GUCY1A2: variants seen among roughly 807,000 people sequenced by gnomAD.
The protein encoded by GUCY1A2 is guanylate cyclase soluble subunit alpha-2.
GUCY1A2 carries 27 observed loss-of-function variants against 63.5 expected under a neutral mutation model. The ratio of observed to expected loss-of-function variants is 0.43; its 90% CI spans 0.31 to 0.59. The LOEUF is 0.59. Ranked by LOEUF, GUCY1A2 falls within the 20% of genes least tolerant of loss-of-function variation. The probability of loss-of-function intolerance (pLI) is 0.11; values close to 1 mark genes in which losing one functional copy is unlikely to be tolerated. For synonymous variants in GUCY1A2, 364 were observed against 343.5 expected (o/e 1.06, Z -0.66); for missense variants, 768 against 913.3 (o/e 0.84, Z 2.05).
At chr11:106,830,018 A>G (rs1859028867) in intron 4 of GUCY1A2, among the ~76,000 whole-genome samples, 1 of 152,240 alleles carries the variant, frequency 6.6e-6, no homozygotes, top group African/African-American at 2.4e-5. Flanking sequence ...AGCTACGACC[A>G]TATGACCAGT....
rs145762590 is a variant in GUCY1A2 at position 106,780,228 on chromosome 11, T to G, written c.1693-3646A>C. ...TTTAGTTTCCAAATATTAGAAACAA[T>G]AGGACCAAAGAGGTAGGGAAGACAC... On this transcript the variant is annotated intron_variant, in intron 5 of 7. Transcript: ENST00000526355. Among the ~76,000 whole-genome samples the G allele has an allele frequency of 3.8e-3, 574 of 151,840 alleles. 4 individuals carry two copies. The highest frequency in any genetic ancestry group is 0.013 in the African/African-American group (553 of 41,366).
intron 4 of GUCY1A2, chr11:106,826,868 C>T: frequency 6.2e-7 from 1 of 1,605,718 alleles, no homozygotes; most frequent in Non-Finnish European, 8.5e-7. Flanking sequence ...ATATGATCAT[C>T]CACTTTCAGG....
intron 4 of GUCY1A2, among the ~76,000 whole-genome samples, chr11:106,903,148 A>G (rs1036553628): frequency 3.9e-5 from 6 of 152,306 alleles, no homozygotes; most frequent in Non-Finnish European, 8.8e-5. Context: ...AGATGCCACC[A>G]AAGTCCCAAC....
chr11:106,893,484 T>C (rs911458917), intron 4 of GUCY1A2, among the ~76,000 whole-genome samples: 1 of 152,146 alleles, frequency 6.6e-6, no homozygotes, highest in Non-Finnish European at 1.5e-5. Flanking sequence ...ATACCACCTA[T>C]ACTGAAATAT....
At chr11:106,724,093 G>A (rs1863363398) in intron 6 of GUCY1A2, among the ~76,000 whole-genome samples, 1 of 152,202 alleles carries the variant, frequency 6.6e-6, no homozygotes, top group Admixed American at 6.5e-5. Flanking sequence ...CTTGGGTCAA[G>A]TGAGTGTATC....
At chr11:106,891,503 AT>A (rs890722408) in intron 4 of GUCY1A2, among the ~76,000 whole-genome samples, 13 of 152,106 alleles carry the variant, frequency 8.5e-5, no homozygotes, top group African/African-American at 2.2e-4. Flanking sequence ...TCTGTTAAAA[AT>A]GTCTTGCTTT....
Position 106,678,659 on chromosome 11 carries a change from C to A in GUCY1A2, c.*8890G>T, listed in dbSNP as rs1862384685. The A allele has an allele frequency of 9.5e-6, 2 of 209,492 alleles. No individual in the cohort carries two copies. The highest frequency in any genetic ancestry group is 1.4e-4 in the East Asian group (2 of 13,942). 13.0% of individuals were successfully genotyped at this position (209,492 alleles called of 1,614,324 possible). ...TGTAACAATATTCATATTTGTTGTTCAAATGATTTGAACATAAATTGGTTT... is the reference window on the plus strand; with the variant it reads ...TGTAACAATATTCATATTTGTTGTTAAAATGATTTGAACATAAATTGGTTT... On this transcript the variant is annotated 3_prime_UTR_variant, in exon 8 of 8. Coordinates refer to ENST00000526355, the MANE Select transcript of GUCY1A2 (RefSeq NM_000855.3).
intron 4 of GUCY1A2, among the ~76,000 whole-genome samples, chr11:106,844,395 C>A (rs376769148): frequency 1.1e-4 from 17 of 151,792 alleles, no homozygotes; most frequent in African/African-American, 4.1e-4. Context: ...CATTTATCAC[C>A]AGACAAATTC....
intron 4 of GUCY1A2, among the ~76,000 whole-genome samples, chr11:106,856,978 T>C (rs577941808): frequency 6.6e-6 from 1 of 152,236 alleles, no homozygotes; most frequent in African/African-American, 2.4e-5. Context: ...ATAACTGGTA[T>C]GTTCCCTTAA....
intron 4 of GUCY1A2, among the ~76,000 whole-genome samples, chr11:106,815,516 A>G (rs1007944298): frequency 6.6e-6 from 1 of 151,830 alleles, no homozygotes; most frequent in Non-Finnish European, 1.5e-5. Flanking sequence ...TATAATAATA[A>G]TAATAAAAAA....
At chr11:106,847,897 G>A (rs921265967) in intron 4 of GUCY1A2, among the ~76,000 whole-genome samples, 6 of 151,698 alleles carry the variant, frequency 4.0e-5, no homozygotes, top group Admixed American at 2.6e-4. Flanking sequence ...TAAATGGGGA[G>A]AGCAAGAATA....
chr11:107,017,927 G>T lies in GUCY1A2; in HGVS notation c.129C>A (p.Pro43=). 7.6e-7 allele frequency: 1 copy of T among 1,320,314 alleles called. No individual in the cohort carries two copies. The highest frequency in any genetic ancestry group is 9.7e-7 in the Non-Finnish European group (1 of 1,029,676). 81.8% of individuals were successfully genotyped at this position (1,320,314 alleles called of 1,614,324 possible). Reference sequence around the variant, plus strand: ...CGGCCGGGCTGGGCTCCAGCGGCCCGGGCGGGCTCCGGCTGCCATTCCAGC... The same window carrying T: ...CGGCCGGGCTGGGCTCCAGCGGCCCTGGCGGGCTCCGGCTGCCATTCCAGC... ...RLCWNGSRSP[P]GPLEPSPAAA... Residue 43 remains proline (P), a synonymous_variant, in exon 1 of 8, where the codon CCC becomes CCA. Transcript: ENST00000526355.
At chr11:106,791,865 G>A (rs186057140) in intron 5 of GUCY1A2, among the ~76,000 whole-genome samples, 3 of 152,030 alleles carry the variant, frequency 2.0e-5, no homozygotes, top group Admixed American at 1.3e-4. Flanking sequence ...ACTCATTTAC[G>A]TTTCATACCA....
At chr11:106,989,763 T>C (rs1380771032) in intron 1 of GUCY1A2, among the ~76,000 whole-genome samples, 1 of 152,106 alleles carries the variant, frequency 6.6e-6, no homozygotes, top group African/African-American at 2.4e-5. Flanking sequence ...ATATTTCCAA[T>C]GAAACATTAA....
intron 4 of GUCY1A2, among the ~76,000 whole-genome samples, chr11:106,889,090 ACTGGTTC>A (rs1284341444): frequency 1.3e-5 from 2 of 152,124 alleles, no homozygotes; most frequent in Non-Finnish European, 2.9e-5. Flanking sequence ...ATAAATAAAA[ACTGGTTC>A]CTTTAAATGA....
chr11:106,753,352 G>A (rs780017472), intron 6 of GUCY1A2, among the ~76,000 whole-genome samples: 5 of 152,182 alleles, frequency 3.3e-5, no homozygotes, highest in African/African-American at 4.8e-5. Context: ...CTTTTGCTGT[G>A]TAGAAGCTCT....
chr11:106,900,784 C>T (rs1375538515), intron 4 of GUCY1A2, among the ~76,000 whole-genome samples: 1 of 152,022 alleles, frequency 6.6e-6, no homozygotes, highest in African/African-American at 2.4e-5. Context: ...TGTGCAATAC[C>T]ATTATGTCTA....
chr11:106,912,677 A>C (rs1404141156), intron 4 of GUCY1A2, among the ~76,000 whole-genome samples: 1 of 152,168 alleles, frequency 6.6e-6, no homozygotes, highest in Non-Finnish European at 1.5e-5. Context: ...GAAATAGATG[A>C]AATGATTTCT....
intron 6 of GUCY1A2, among the ~76,000 whole-genome samples, chr11:106,709,809 A>C (rs369397455): frequency 9.3e-4 from 125 of 134,006 alleles, no homozygotes; most frequent in East Asian, 5.0e-3. Context: ...CACGTATAGA[A>C]TATATAGTTA....
Sources: gnomAD v4.1 joint callset for allele counts (sites outside exome capture counted in the v4.1 genomes callset) on GRCh38, gnomAD v4.1.1 for gene constraint, MANE v1.5 for transcripts, NCBI Gene and HGNC (gene_info 2026-07-23, HGNC 2026-07-21) for gene names.